SPEF2: variants seen among roughly 807,000 people sequenced by gnomAD.
The protein encoded by SPEF2 is sperm flagellar and cilia associated 2.
SPEF2 carries 187 observed loss-of-function variants against 224.6 expected under a neutral mutation model. The ratio of observed to expected loss-of-function variants is 0.83; its 90% CI spans 0.74 to 0.94. SPEF2 has a LOEUF of 0.94. Among genes scored for constraint, SPEF2 ranks in the 40% least tolerant of loss-of-function variants. SPEF2 has a pLI of 0.00. For synonymous variants in SPEF2, 715 were observed against 707.3 expected, an observed-to-expected ratio of 1.01 and a Z score of -0.17; for missense variants, 2,170 against 2,135.6, an observed-to-expected ratio of 1.02 and a Z score of -0.32.
intron 30 of SPEF2, among the ~76,000 whole-genome samples, chr5:35,783,580 C>T (rs1754645831): frequency 6.6e-6 from 1 of 151,942 alleles, no homozygotes; most frequent in Non-Finnish European, 1.5e-5. Flanking sequence ...TTCTATTATC[C>T]AAAATGTTAG....
chr5:35,670,705 C>T (rs543543304), intron 10 of SPEF2: 19 of 985,510 alleles, frequency 1.9e-5, no homozygotes, highest in South Asian at 1.9e-4. Flanking sequence ...TAAAAAGTAT[C>T]GGGTGCCAAC....
chr5:35,684,096 CATAG>C (rs1257064733), intron 10 of SPEF2: 1 of 152,010 alleles, frequency 6.6e-6, no homozygotes, highest in East Asian at 1.9e-4. Flanking sequence ...ATCATATCTA[CATAG>C]ATAATAAATA....
intron 20 of SPEF2, among the ~76,000 whole-genome samples, chr5:35,723,822 A>G (rs895164323): frequency 1.2e-4 from 18 of 152,232 alleles, no homozygotes; most frequent in African/African-American, 4.1e-4. Context: ...AGAGGACAGT[A>G]TGTGGCACAA....
chr5:35,686,898 T>G (rs1452083491), intron 10 of SPEF2, among the ~76,000 whole-genome samples: 1 of 152,098 alleles, frequency 6.6e-6, no homozygotes, highest in Non-Finnish European at 1.5e-5. Flanking sequence ...TGCAGATATT[T>G]TGCTTTTGTT....
intron 36 of SPEF2, 60 bp downstream of exon 36, chr5:35,807,313 T>C: frequency 6.4e-7 from 1 of 1,552,582 alleles, no homozygotes; most frequent in Non-Finnish European, 8.7e-7. Flanking sequence ...CATGCTAGGA[T>C]GTTTCTAAAT....
intron 36 of SPEF2, among the ~76,000 whole-genome samples, chr5:35,811,482 G>A (rs2149880494): frequency 1.3e-5 from 2 of 152,208 alleles, no homozygotes; most frequent in Admixed American, 1.3e-4. Flanking sequence ...CTGGCTTTTG[G>A]TTATGAGAGT....
chr5:35,714,311 C>G lies in SPEF2; in HGVS notation c.2914+1425C>G, dbSNP rs913022780. On this transcript the variant is annotated intron_variant, in intron 20 of 36. Coordinates refer to ENST00000356031, the MANE Select transcript of SPEF2 (RefSeq NM_024867.4). ...AGAGAACTTTGAGTTACTTTCCCCACCCCCAACCCCACTCCCTGCTTTTTT... is the reference window on the plus strand; with the variant it reads ...AGAGAACTTTGAGTTACTTTCCCCAGCCCCAACCCCACTCCCTGCTTTTTT... 4.6e-5 allele frequency among the ~76,000 whole-genome samples: 7 copies of G among 151,294 alleles called. No homozygotes were observed. In the Admixed American group the frequency reaches 4.6e-4, roughly 10 times the overall value.
intron 17 of SPEF2, 68 bp from the exon 18 acceptor site, chr5:35,705,583 T>C: frequency 8.4e-7 from 1 of 1,188,862 alleles, no homozygotes; most frequent in Non-Finnish European, 1.2e-6. Context: ...TGTCGGATAA[T>C]TTATGCTTAA....
intron 36 of SPEF2, among the ~76,000 whole-genome samples, chr5:35,807,480 G>A (rs150227561): frequency 3.3e-5 from 5 of 152,240 alleles, no homozygotes; most frequent in Middle Eastern, 3.4e-3. Flanking sequence ...GTTAAAGCTG[G>A]GTGGGTGACA....
intron 21 of SPEF2, among the ~76,000 whole-genome samples, chr5:35,731,046 C>T (rs1163821879): frequency 6.6e-6 from 1 of 152,062 alleles, no homozygotes; most frequent in East Asian, 1.9e-4. Context: ...TGAAAGAATA[C>T]AGTCAAGGGT....
intron 23 of SPEF2, among the ~76,000 whole-genome samples, chr5:35,748,497 A>G (rs1748908201): frequency 1.3e-5 from 2 of 152,196 alleles, no homozygotes; most frequent in African/African-American, 4.8e-5. Context: ...AGATATTACA[A>G]CTGACATCAC....
At chr5:35,731,197 A>G (rs1580485699) in intron 21 of SPEF2, among the ~76,000 whole-genome samples, 2 of 152,348 alleles carry the variant, frequency 1.3e-5, no homozygotes, top group East Asian at 3.9e-4. Context: ...ATGAAGTCAA[A>G]TTAATCAATG....
chr5:35,643,645 A>G (rs1746919189), intron 3 of SPEF2: 7 of 430,024 alleles, frequency 1.6e-5, no homozygotes, highest in Non-Finnish European at 2.8e-5. Context: ...AGGTGATATC[A>G]TAGGAAAGAA....
At chr5:35,738,685 G>A (rs1747076452) in intron 21 of SPEF2, among the ~76,000 whole-genome samples, 1 of 151,532 alleles carries the variant, frequency 6.6e-6, no homozygotes, top group Non-Finnish European at 1.5e-5. Flanking sequence ...TTTAGTCAGA[G>A]TTGTGCAAGC....
At chr5:35,715,355 T>C (rs913679648) in intron 20 of SPEF2, among the ~76,000 whole-genome samples, 8 of 152,060 alleles carry the variant, frequency 5.3e-5, no homozygotes, top group Non-Finnish European at 8.8e-5. Context: ...TTAATGTCCA[T>C]TGAAATGAAA....
chr5:35,805,871 A>G (rs1757988269), intron 34 of SPEF2, among the ~76,000 whole-genome samples: 1 of 152,088 alleles, frequency 6.6e-6, no homozygotes, highest in Non-Finnish European at 1.5e-5. Context: ...GTTATTAAGA[A>G]TTCTGCTAAA....
intron 21 of SPEF2, among the ~76,000 whole-genome samples, chr5:35,738,349 C>T (rs1420634004): frequency 6.6e-6 from 1 of 151,766 alleles, no homozygotes; most frequent in Admixed American, 6.6e-5. Flanking sequence ...GGTTTTAGGT[C>T]TAACATTCAA....
At chr5:35,781,094 A>G (rs992343293) in intron 30 of SPEF2, among the ~76,000 whole-genome samples, 1 of 152,102 alleles carries the variant, frequency 6.6e-6, no homozygotes, top group Non-Finnish European at 1.5e-5. Flanking sequence ...GGGAGAAATA[A>G]GAAGGGAGGG....
Position 35,700,630 on chromosome 5 carries a change from C to G in SPEF2, c.2276C>G (p.Ser759Cys). The change falls in exon 16 of 37, where the codon TCC (serine) becomes TGC (cysteine). Residue 759 changes from serine (S) to cysteine (C), a missense_variant. Transcript: ENST00000356031. ...TEVERKKAQKSTLAIDPATSK... is the reference protein window; with the variant it reads ...TEVERKKAQKCTLAIDPATSK... ...GTGGAAAGAAAAAAAGCACAAAAAT[C>G]CACATTGGCTATTGATCCTGCGACT... is the stretch of plus-strand genomic sequence containing the variant. 1 of 1,613,990 alleles carries G rather than the reference C, an allele frequency of 6.2e-7. No individual in the cohort carries two copies. Among genetic ancestry groups the G allele is most frequent in the Non-Finnish European group, 8.5e-7 (1 of 1,179,954 alleles).
Sources: allele counts gnomAD v4.1 joint callset (sites outside exome capture counted in the v4.1 genomes callset), GRCh38; gene constraint gnomAD v4.1.1; transcripts MANE v1.5; gene names NCBI Gene and HGNC (gene_info 2026-07-23, HGNC 2026-07-21).